Variants in SMPD3 observed in about 807,000 individuals in gnomAD.
SMPD3 encodes the protein nSMase-2.
Under a neutral mutation model 55.7 loss-of-function variants are expected in SMPD3, and 21 were observed. The ratio of observed to expected loss-of-function variants is 0.38; its 90% CI spans 0.27 to 0.54. The LOEUF (loss-of-function observed/expected upper bound fraction) is 0.54, where lower values mean the gene tolerates loss of function less well. SMPD3 is among the 20% of genes least tolerant of loss of function. The probability of loss-of-function intolerance (pLI) is 0.80; values close to 1 mark genes in which losing one functional copy is unlikely to be tolerated. For missense variants in SMPD3, 842 were observed against 899.6 expected (o/e 0.94, Z 0.82); for synonymous variants, 457 against 404.3 (o/e 1.13, Z -1.56).
At chr16:68,420,342 C>T (rs2090382392) in intron 1 of SMPD3, among the ~76,000 whole-genome samples, 1 of 152,096 alleles carries the variant, frequency 6.6e-6, no homozygotes. Context: ...TGTTATTGTC[C>T]CACTTTGCAG....
intron 1 of SMPD3, among the ~76,000 whole-genome samples, chr16:68,446,891 G>C (rs2090614230): frequency 2.0e-5 from 3 of 152,226 alleles, no homozygotes; most frequent in Admixed American, 2.0e-4. Context: ...CTGGGTGCCT[G>C]GCTGGCCTTA....
At chr16:68,410,359 G>C (rs2090289409) in intron 1 of SMPD3, among the ~76,000 whole-genome samples, 1 of 152,012 alleles carries the variant, frequency 6.6e-6, no homozygotes, top group African/African-American at 2.4e-5. Context: ...CATGAACATT[G>C]TTGGTGTTGT....
intron 1 of SMPD3, among the ~76,000 whole-genome samples, chr16:68,395,007 C>G (rs1429167361): frequency 1.3e-5 from 2 of 151,914 alleles, no homozygotes; most frequent in Non-Finnish European, 2.9e-5. Context: ...AGAAGAGGCC[C>G]CTGTGGCATC....
chr16:68,403,665 C>A (rs2090229746), intron 1 of SMPD3, among the ~76,000 whole-genome samples: 1 of 152,158 alleles, frequency 6.6e-6, no homozygotes, highest in African/African-American at 2.4e-5. Flanking sequence ...TCTTTCCTAG[C>A]CTAATCCTTT....
chr16:68,361,120 A>G lies in SMPD3; in HGVS notation c.*86T>C. 1 of 1,263,568 alleles carries G rather than the reference A, an allele frequency of 7.9e-7. No homozygotes were observed. Among genetic ancestry groups the G allele is most frequent in the Admixed American group, 2.0e-5 (1 of 49,254 alleles). The allele number at this position is 1,263,568 out of a possible 1,614,324, so 78.3% of individuals were successfully genotyped here. A position where few individuals can be genotyped will look rare whatever the true frequency, so the allele number is the denominator to read the frequency against. Reference sequence around the variant, plus strand: ...TCCCTGTCCCTGCCCTCCTCCCCCAAGCACCGGGCACTCGATGGAGGGGAC... The same window carrying G: ...TCCCTGTCCCTGCCCTCCTCCCCCAGGCACCGGGCACTCGATGGAGGGGAC... On this transcript the variant is annotated 3_prime_UTR_variant, in exon 9 of 9. Coordinates refer to ENST00000219334, the MANE Select transcript of SMPD3 (RefSeq NM_018667.4).
chr16:68,423,358 C>T (rs958465556), intron 1 of SMPD3, among the ~76,000 whole-genome samples: 3 of 152,090 alleles, frequency 2.0e-5, no homozygotes, highest in African/African-American at 7.2e-5. Flanking sequence ...ATATTGATGG[C>T]ATTTGGAGGT....
intron 1 of SMPD3, among the ~76,000 whole-genome samples, chr16:68,390,618 G>A (rs538704271): frequency 1.1e-4 from 16 of 152,324 alleles, no homozygotes; most frequent in South Asian, 4.1e-4. Flanking sequence ...CTGTGATGGC[G>A]CCACTGCACT....
Position 68,371,597 on chromosome 16 carries a change from C to A in SMPD3, c.585G>T (p.Gly195=), listed in dbSNP as rs202114961. The change falls in exon 3 of 9, where the codon GGG becomes GGT. Residue 195 remains glycine (G), a synonymous_variant. Coordinates refer to ENST00000219334, the MANE Select transcript of SMPD3 (RefSeq NM_018667.4). ...TGCTCCCGGGGACGGCCCGGGCCAC[C>A]CCATCGCCGCCCTGTGGTGACACCA... ...SSLVSPQGGD[G]VARAVPGSIK... is the part of the protein sequence containing the mutation. The A allele has an allele frequency of 2.5e-5, 40 of 1,569,638 alleles. No homozygotes were observed. Among genetic ancestry groups the A allele is most frequent in the Admixed American group, 1.9e-5 (1 of 53,806 alleles).
intron 6 of SMPD3, 106 bp downstream of exon 6, chr16:68,363,671 G>A (rs2089386025): frequency 1.4e-6 from 2 of 1,445,118 alleles, no homozygotes; most frequent in African/African-American, 1.4e-5. Context: ...GCAGCTGAAT[G>A]GGGCCCTTCC....
intron 1 of SMPD3, among the ~76,000 whole-genome samples, chr16:68,389,077 A>C (rs2090087516): frequency 6.6e-6 from 1 of 152,134 alleles, no homozygotes; most frequent in Non-Finnish European, 1.5e-5. Context: ...AAACAGAAGA[A>C]CCTTTCATCC....
intron 1 of SMPD3, among the ~76,000 whole-genome samples, chr16:68,394,557 A>T (rs1265563715): frequency 5.3e-5 from 8 of 152,240 alleles, no homozygotes; most frequent in Non-Finnish European, 1.5e-5. Context: ...ATTGACATTT[A>T]TTAGGCGCCT....
intron 1 of SMPD3, among the ~76,000 whole-genome samples, chr16:68,403,325 C>T (rs2090227133): frequency 6.6e-6 from 1 of 152,198 alleles, no homozygotes; most frequent in Non-Finnish European, 1.5e-5. Context: ...GTTGTGTTCA[C>T]TGTTGGATCT....
intron 1 of SMPD3, among the ~76,000 whole-genome samples, chr16:68,387,367 A>G (rs1266909889): frequency 6.6e-6 from 1 of 152,128 alleles, no homozygotes; most frequent in Non-Finnish European, 1.5e-5. Context: ...ACACGATGTC[A>G]CTGGCTCCCC....
chr16:68,428,644 C>T (rs921470900), intron 1 of SMPD3, among the ~76,000 whole-genome samples: 2 of 152,178 alleles, frequency 1.3e-5, no homozygotes, highest in Non-Finnish European at 2.9e-5. Flanking sequence ...GGAACTGGAA[C>T]ATCTAACCCC....
intron 2 of SMPD3, among the ~76,000 whole-genome samples, chr16:68,377,561 C>A (rs1025842590): frequency 5.9e-5 from 9 of 152,324 alleles, no homozygotes; most frequent in African/African-American, 2.2e-4. Context: ...TGAGCCAGAG[C>A]CCCCCTCCCT....
intron 1 of SMPD3, among the ~76,000 whole-genome samples, chr16:68,419,662 TAGAG>T (rs2090373333): frequency 6.6e-6 from 1 of 152,204 alleles, no homozygotes; most frequent in Non-Finnish European, 1.5e-5. Context: ...CTATGGAAGA[TAGAG>T]AGAACCCTCC....
chr16:68,374,333 G>A (rs1311831845), intron 2 of SMPD3, among the ~76,000 whole-genome samples: 1 of 152,242 alleles, frequency 6.6e-6, no homozygotes, highest in African/African-American at 2.4e-5. Flanking sequence ...ACTTGAGCTG[G>A]GGCTGTATCT....
chr16:68,439,067 T>A (rs2090546972), intron 1 of SMPD3, among the ~76,000 whole-genome samples: 1 of 152,240 alleles, frequency 6.6e-6, no homozygotes, highest in Non-Finnish European at 1.5e-5. Flanking sequence ...GTTAGTATTG[T>A]CTCTAAGCAT....
rs1597571895 is a variant in SMPD3 at position 68,360,067 on chromosome 16, G to C, written c.*1139C>G. On this transcript the variant is annotated 3_prime_UTR_variant, in exon 9 of 9. Transcript: ENST00000219334. ...CCTCCTAGGCCGGGGTCCCCTTGTG[G>C]CCTTGGTGTTGGCTGGGGTAGCTGT... 6.5e-6 allele frequency: 1 copy of C among 153,294 alleles called. No homozygotes were observed. The highest frequency in any genetic ancestry group is 1.5e-5 in the Non-Finnish European group (1 of 68,662). The allele number at this position is 153,294 out of a possible 1,614,324, so 9.5% of individuals were successfully genotyped here. A position where few individuals can be genotyped will look rare whatever the true frequency, so the allele number is the denominator to read the frequency against.
Sources: gnomAD v4.1 joint callset for allele counts (sites outside exome capture counted in the v4.1 genomes callset) on GRCh38, gnomAD v4.1.1 for gene constraint, MANE v1.5 for transcripts, NCBI Gene and HGNC (gene_info 2026-07-23, HGNC 2026-07-21) for gene names.